Variants in TMED10 observed in about 807,000 individuals in gnomAD.
TMED10 encodes transmembrane emp24 domain-containing protein 10.
TMED10 carries 7 observed loss-of-function variants against 23.1 expected under a neutral mutation model. The observed-to-expected ratio is 0.30, with a 90% confidence interval of 0.17 to 0.57. The LOEUF (loss-of-function observed/expected upper bound fraction) is 0.57, where lower values mean the gene tolerates loss of function less well. Ranked by LOEUF, TMED10 falls within the 20% of genes least tolerant of loss-of-function variation. TMED10 has a pLI of 0.91. For missense variants in TMED10, 162 were observed against 274.8 expected, an observed-to-expected ratio of 0.59 and a Z score of 2.90; for synonymous variants, 113 against 106.9, an observed-to-expected ratio of 1.06 and a Z score of -0.35.
intron 1 of TMED10, 123 bp from the exon 2 acceptor site, chr14:75,152,266 TGTTC>T: frequency 1.4e-6 from 1 of 728,194 alleles, no homozygotes; most frequent in Non-Finnish European, 2.2e-6. Context: ...ATGATGACTA[TGTTC>T]CAACCATCCC....
Position 75,135,793 on chromosome 14 carries a change from T to A in TMED10, c.505A>T (p.Lys169Ter). ...ESIVNDFAYM[K>*]KREEEMRDTN... ...TCACGCATCTCCTCTTCTCTCTTCT[T>A]CATGTAGGCAAAATCATTAACAATA... The change falls in exon 4 of 5, where the codon AAG becomes TAG. Residue 169 changes from lysine (K) to a stop codon, truncating the protein, a stop_gained. Transcript: ENST00000303575. LOFTEE classifies it high-confidence loss of function. 6.2e-7 allele frequency: 1 copy of A among 1,614,116 alleles called. No homozygotes were observed. The highest frequency in any genetic ancestry group is 8.5e-7 in the Non-Finnish European group (1 of 1,180,000).
intron 1 of TMED10, among the ~76,000 whole-genome samples, chr14:75,170,149 C>A (rs542280189): frequency 2.0e-5 from 3 of 152,054 alleles, no homozygotes; most frequent in Non-Finnish European, 4.4e-5. Flanking sequence ...ATGGTGTGAA[C>A]CCCGGGGAGC....
chr14:75,135,864 T>C lies in TMED10; in HGVS notation c.434A>G (p.Lys145Arg). The C allele has an allele frequency of 6.2e-7, 1 of 1,613,844 alleles. No homozygotes were observed. The highest frequency in any genetic ancestry group is 8.5e-7 in the Non-Finnish European group (1 of 1,179,924). Reference protein sequence around the residue: ...YEEIAKVEKLKPLEVELRRLE... With the variant: ...YEEIAKVEKLRPLEVELRRLE... ...GCGTCGCAGCTCTACCTCTAATGGT[T>C]TGAGCTTCTCAACTTTTGCAATCTG... Residue 145 changes from lysine to arginine, a missense_variant, in exon 4 of 5, where the codon AAA becomes AGA. By Grantham distance (26) the Lys-to-Arg change is conservative. Coordinates refer to ENST00000303575, the MANE Select transcript of TMED10 (RefSeq NM_006827.6).
At chr14:75,145,773 C>T (rs924212325) in intron 3 of TMED10, among the ~76,000 whole-genome samples, 4 of 152,034 alleles carry the variant, frequency 2.6e-5, no homozygotes, top group Admixed American at 6.6e-5. Flanking sequence ...GGCAACCAAG[C>T]GAGACTCCAT....
rs750314906 is a variant in TMED10 at position 75,176,468 on chromosome 14, T to C, written c.112A>G (p.Ile38Val). 2 of 1,613,948 alleles carry C rather than the reference T, an allele frequency of 1.2e-6. No homozygotes were observed. Among genetic ancestry groups the C allele is most frequent in the East Asian group, 2.2e-5 (1 of 44,888 alleles). Reference protein sequence around the residue: ...LVLAISFHLPINSRKCLREEI... With the variant: ...LVLAISFHLPVNSRKCLREEI... ...TCACGGAGGCACTTGCGAGAGTTAA[T>C]GGGCAGATGGAAGGAGATGGCAAGG... The change falls in exon 1 of 5, where the codon ATT becomes GTT. Residue 38 changes from isoleucine (I) to valine (V), a missense_variant. By Grantham distance (29) the Ile-to-Val change is conservative. Around this residue, in one of 2 missense-constraint regions of TMED10, gnomAD observed 126 missense variants for 239.5 expected, o/e 0.53. Coordinates refer to ENST00000303575, the MANE Select transcript of TMED10 (RefSeq NM_006827.6).
chr14:75,164,452 C>T (rs1224577709), intron 1 of TMED10, among the ~76,000 whole-genome samples: 13 of 147,648 alleles, frequency 8.8e-5, no homozygotes, highest in African/African-American at 2.5e-4. Flanking sequence ...AGGCTGGTCT[C>T]GAACTCCTGA....
chr14:75,146,612 G>C (rs1895885508), intron 3 of TMED10, among the ~76,000 whole-genome samples: 2 of 152,034 alleles, frequency 1.3e-5, no homozygotes, highest in South Asian at 4.1e-4. Flanking sequence ...ACCCTTTTGT[G>C]CTGCCCCCAA....
At chr14:75,165,566 G>A (rs999309250) in intron 1 of TMED10, among the ~76,000 whole-genome samples, 1 of 152,118 alleles carries the variant, frequency 6.6e-6, no homozygotes, top group South Asian at 2.1e-4. Context: ...TCTCAAAAAC[G>A]AAAAACATAA....
intron 1 of TMED10, among the ~76,000 whole-genome samples, chr14:75,174,462 T>TG (rs1896274427): frequency 6.6e-6 from 1 of 152,076 alleles, no homozygotes; most frequent in African/African-American, 2.4e-5. Flanking sequence ...TCTCTTTCAT[T>TG]GCTGAAATTC....
Position 75,147,688 on chromosome 14 carries a change from T to G in TMED10, c.387A>C (p.Gly129=), listed in dbSNP as rs770708363. Residue 129 remains glycine, a synonymous_variant, in exon 3 of 5, where the codon GGA becomes GGC. Transcript: ENST00000303575. Reference sequence around the variant, plus strand: ...CCTCTTCGTAATTTTTCGCCTCCACTCCATGCTTCATGTCTAGGATCACGA... The same window carrying G: ...CCTCTTCGTAATTTTTCGCCTCCACGCCATGCTTCATGTCTAGGATCACGA... The part of the protein sequence containing the change: ...DQLVILDMKH[G]VEAKNYEEIA... 2.9e-5 allele frequency: 47 copies of G among 1,614,002 alleles called. No individual in the cohort carries two copies. The highest frequency in any genetic ancestry group is 1.6e-4 in the Middle Eastern group (1 of 6,084).
At position 75,131,846 on chromosome 14, in the gene TMED10, T is replaced by TAA. The variant is rs748310175; in HGVS notation, c.*3037_*3038dup. 3.9e-5 allele frequency: 6 copies of TAA among 152,112 alleles called. No homozygotes were observed. The highest frequency in any genetic ancestry group is 7.4e-5 in the Non-Finnish European group (5 of 68,018). The allele number at this position is 152,112 out of a possible 1,614,324, so 9.4% of individuals were successfully genotyped here. On this transcript the variant is annotated 3_prime_UTR_variant, in exon 5 of 5. Coordinates refer to ENST00000303575, the MANE Select transcript of TMED10 (RefSeq NM_006827.6). ...TCCCAGTTGATAGTTTCGGCATGAG[T>TAA]AAAGGGAAGGGACATGAAAGAATGT...
At chr14:75,152,901 C>T (rs1895972169) in intron 1 of TMED10, among the ~76,000 whole-genome samples, 1 of 152,108 alleles carries the variant, frequency 6.6e-6, no homozygotes, top group African/African-American at 2.4e-5. Context: ...GGATGGATCA[C>T]GAGGTCAAGA....
chr14:75,137,394 C>T (rs984320533), intron 3 of TMED10, among the ~76,000 whole-genome samples: 1 of 145,700 alleles, frequency 6.9e-6, no homozygotes, highest in Non-Finnish European at 1.5e-5. Flanking sequence ...TGTTTCTGGC[C>T]GGGTGTGGTG....
At chr14:75,142,750 T>C (rs1038087240) in intron 3 of TMED10, among the ~76,000 whole-genome samples, 7 of 152,232 alleles carry the variant, frequency 4.6e-5, no homozygotes, top group African/African-American at 1.7e-4. Flanking sequence ...CTGCCCACTC[T>C]ATGCCTTCTT....
At chr14:75,162,301 A>G (rs913924953) in intron 1 of TMED10, among the ~76,000 whole-genome samples, 3 of 152,134 alleles carry the variant, frequency 2.0e-5, no homozygotes, top group Non-Finnish European at 4.4e-5. Context: ...AATCCAAAAA[A>G]TACAAGAATG....
chr14:75,170,891 T>C (rs1286193565), intron 1 of TMED10, among the ~76,000 whole-genome samples: 2 of 152,202 alleles, frequency 1.3e-5, no homozygotes, highest in African/African-American at 2.4e-5. Flanking sequence ...ATGCACACAG[T>C]AGTCATCAGT....
At chr14:75,167,625 C>T (rs373282462) in intron 1 of TMED10, among the ~76,000 whole-genome samples, 1 of 152,148 alleles carries the variant, frequency 6.6e-6, no homozygotes, top group South Asian at 2.1e-4. Flanking sequence ...CAAGGCTGAA[C>T]TCTTTAAGGG....
intron 3 of TMED10, 97 bp from the exon 4 acceptor site, chr14:75,135,983 G>T: frequency 6.6e-7 from 1 of 1,511,654 alleles, no homozygotes; most frequent in Non-Finnish European, 8.9e-7. Context: ...AGTTTCACCA[G>T]ATTTAAATTC....
At chr14:75,173,761 T>C (rs1338022445) in intron 1 of TMED10, among the ~76,000 whole-genome samples, 1 of 152,154 alleles carries the variant, frequency 6.6e-6, no homozygotes, top group African/African-American at 2.4e-5. Context: ...GACCGAGTCT[T>C]GTTCTGTTGC....
Sources: allele counts gnomAD v4.1 joint callset (sites outside exome capture counted in the v4.1 genomes callset), GRCh38; gene constraint gnomAD v4.1.1; regional missense constraint gnomAD v4.1.1; transcripts MANE v1.5; gene names NCBI Gene and HGNC (gene_info 2026-07-23, HGNC 2026-07-21).